FAAH2: variants seen among roughly 807,000 people sequenced by gnomAD.
FAAH2 encodes fatty-acid amide hydrolase 2.
FAAH2 carries 60 observed loss-of-function variants against 36.9 expected under a neutral mutation model. That is an observed-to-expected ratio of 1.63 (90% CI 1.32 to 2.02). FAAH2 has a LOEUF of 2.02. Among genes scored for constraint, FAAH2 ranks in the 30% most tolerant of loss-of-function variants. The probability of loss-of-function intolerance (pLI) is 0.00; values close to 1 mark genes in which losing one functional copy is unlikely to be tolerated. For missense variants in FAAH2, 689 were observed against 397.5 expected (o/e 1.73, Z -6.23); for synonymous variants, 214 against 143.8 (o/e 1.49, Z -3.49).
rs775017082 is a variant in FAAH2 at position 57,292,484 on chromosome X, AT to A, written c.193-12del. ...TGAATAAATGGCTGCTGACTAAAGTATTGTATTTTGCAGGTGAAATGTATAG... is the reference window on the plus strand; with the variant it reads ...TGAATAAATGGCTGCTGACTAAAGTATGTATTTTGCAGGTGAAATGTATAG... On this transcript the variant is annotated splice_polypyrimidine_tract_variant and intron_variant, in intron 1 of 10. Coordinates refer to ENST00000374900, the MANE Select transcript of FAAH2 (RefSeq NM_174912.4). The A allele has an allele frequency of 1.0e-4, 123 of 1,190,459 alleles. No homozygotes were observed. Among genetic ancestry groups the A allele is most frequent in the Middle Eastern group, 6.9e-4 (3 of 4,321 alleles).
At chrX:57,141,159 T>TTCA in the FAAH2 span, among the ~76,000 whole-genome samples, 3 of 112,109 alleles carry the variant, frequency 2.7e-5, no homozygotes, top group African/African-American at 9.7e-5. Context: ...GATGTTAAAT[T>TTCA]TCATTGAATT....
intron 6 of FAAH2, among the ~76,000 whole-genome samples, chrX:57,379,077 C>G: frequency 8.9e-6 from 1 of 112,037 alleles, no homozygotes. Flanking sequence ...ACTACGTTCA[C>G]TTTAAGTTCA....
At chrX:57,178,014 G>A in the FAAH2 span, among the ~76,000 whole-genome samples, 3 of 111,076 alleles carry the variant, frequency 2.7e-5, no homozygotes. Flanking sequence ...AAACTCCTCT[G>A]GGTCTAGCCA....
chrX:57,470,162 T>C (rs181994976), intron 10 of FAAH2, among the ~76,000 whole-genome samples: 59 of 111,072 alleles, frequency 5.3e-4, no homozygotes, highest in Non-Finnish European at 9.8e-4. Context: ...GATCGAAATT[T>C]GACACCCTAA....
chrX:57,349,165 A>G, intron 5 of FAAH2, among the ~76,000 whole-genome samples: 1 of 53,601 alleles, frequency 1.9e-5, no homozygotes, highest in Non-Finnish European at 5.4e-5. Context: ...TATAATATAT[A>G]CACATATATA....
chrX:57,394,745 TC>T, intron 7 of FAAH2: 1 of 881,839 alleles, frequency 1.1e-6, no homozygotes, highest in Non-Finnish European at 1.7e-6. Flanking sequence ...TTTGATCCAT[TC>T]CCCTTTAACC....
Position 57,383,129 on chromosome X carries a change from C to G in FAAH2, c.996+2100C>G, listed in dbSNP as rs190466242. ...AGGCCTTTGACAAAATTTAACAACA[C>G]TTCAAGCTAAAAGCTCTCAATAAAT... On this transcript the variant is annotated intron_variant, in intron 7 of 10. Transcript: ENST00000374900. Among the ~76,000 whole-genome samples, 958 of 111,973 alleles carry G rather than the reference C, an allele frequency of 8.6e-3. 12 individuals carry two copies. Among genetic ancestry groups the G allele is most frequent in the African/African-American group, 0.03 (918 of 30,792 alleles).
the FAAH2 span, among the ~76,000 whole-genome samples, chrX:57,164,240 A>G: frequency 1.8e-5 from 2 of 112,311 alleles, no homozygotes; most frequent in African/African-American, 3.2e-5. Context: ...ATGTCATGGT[A>G]TGAGGAGATA....
chrX:57,267,589 G>T, the FAAH2 span, among the ~76,000 whole-genome samples: 2 of 112,137 alleles, frequency 1.8e-5, no homozygotes. Context: ...CAGGGAGGCA[G>T]GTACCCCCTG....
intron 7 of FAAH2, chrX:57,394,286 C>A: frequency 2.2e-6 from 2 of 929,581 alleles, no homozygotes; most frequent in Admixed American, 4.4e-5. Context: ...TGTAGTCGTG[C>A]TTTTCCCTTC....
At chrX:57,349,177 G>GTATAATA (rs1569280875) in intron 5 of FAAH2, among the ~76,000 whole-genome samples, 4 of 28,271 alleles carry the variant, frequency 1.4e-4, no homozygotes, top group East Asian at 1.8e-3. Flanking sequence ...ACATATATAT[G>GTATAATA]TATACATATA....
chrX:57,253,507 G>A, the FAAH2 span, among the ~76,000 whole-genome samples: 2 of 111,617 alleles, frequency 1.8e-5, no homozygotes, highest in Non-Finnish European at 3.8e-5. Context: ...AAATGTTAAT[G>A]GCAGCCGGAG....
the FAAH2 span, among the ~76,000 whole-genome samples, chrX:57,237,024 A>G: frequency 3.6e-5 from 4 of 111,663 alleles, no homozygotes; most frequent in Admixed American, 3.8e-4. Context: ...TTTTGAAATG[A>G]TGTTTGTATG....
At chrX:57,469,488 A>G (rs1225948393) in intron 10 of FAAH2, among the ~76,000 whole-genome samples, 22 of 111,964 alleles carry the variant, frequency 2.0e-4, no homozygotes, top group South Asian at 1.1e-3. Context: ...AACAAACATC[A>G]AAAGAGACAA....
At chrX:57,318,376 T>C (rs776791704) in intron 3 of FAAH2, among the ~76,000 whole-genome samples, 1 of 111,861 alleles carries the variant, frequency 8.9e-6, no homozygotes, top group Admixed American at 9.5e-5. Flanking sequence ...CATCAGAGAA[T>C]ACTTATAAAC....
the FAAH2 span, among the ~76,000 whole-genome samples, chrX:57,160,958 T>A: frequency 8.9e-6 from 1 of 112,240 alleles, no homozygotes; most frequent in Admixed American, 9.4e-5. Context: ...TGTTAGGGTG[T>A]CAATTTTAGA....
the FAAH2 span, among the ~76,000 whole-genome samples, chrX:57,140,664 T>C: frequency 9.5e-6 from 1 of 105,483 alleles, no homozygotes; most frequent in Admixed American, 1.0e-4. Context: ...GAAAATAAAA[T>C]CATGCCCTTT....
chrX:57,253,438 G>A, the FAAH2 span, among the ~76,000 whole-genome samples: 3 of 111,524 alleles, frequency 2.7e-5, no homozygotes, highest in Admixed American at 9.6e-5. Context: ...GATACTCTTT[G>A]AGAAGAGCAA....
the FAAH2 span, among the ~76,000 whole-genome samples, chrX:57,236,312 A>T: frequency 8.9e-6 from 1 of 112,359 alleles, no homozygotes; most frequent in Non-Finnish European, 1.9e-5. Context: ...ACAGGAGTGC[A>T]GATATGTTTT....
Sources: gnomAD v4.1 joint callset for allele counts (sites outside exome capture counted in the v4.1 genomes callset) on GRCh38, gnomAD v4.1.1 for gene constraint, MANE v1.5 for transcripts, NCBI Gene and HGNC (gene_info 2026-07-23, HGNC 2026-07-21) for gene names.